NIPSNAP3B: variants seen among roughly 807,000 people sequenced by gnomAD.
The protein encoded by NIPSNAP3B is protein NipSnap homolog 3B.
In NIPSNAP3B, 30 loss-of-function variants were observed where a neutral mutation model predicts 31.5. The ratio of observed to expected loss-of-function variants is 0.95; its 90% confidence interval spans 0.71 to 1.29. The LOEUF (loss-of-function observed/expected upper bound fraction) is 1.29. Ranked by LOEUF, NIPSNAP3B falls within the 50% of genes most tolerant of loss-of-function variation. The pLI is 0.00. For missense variants in NIPSNAP3B, 269 were observed against 300.7 expected (o/e 0.89, Z 0.78); for synonymous variants, 106 against 107.9 (o/e 0.98, Z 0.11).
At chr9:104,768,749 A>G (rs555449434) in intron 2 of NIPSNAP3B, 114 bp from the exon 3 acceptor site, 1 of 801,358 alleles carries the variant, frequency 1.2e-6, no homozygotes, top group East Asian at 2.8e-5. Context: ...CAGCGACATA[A>G]TAACATGGGG....
chr9:104,778,473 C>T (rs372062810), downstream of NIPSNAP3B, among the ~76,000 whole-genome samples: 1 of 152,054 alleles, frequency 6.6e-6, no homozygotes, highest in Non-Finnish European at 1.5e-5. Flanking sequence ...GTGATCCACC[C>T]GTCTCGGCCT....
the NIPSNAP3B span, chr9:104,788,528 GC>G: frequency 6.2e-7 from 1 of 1,614,176 alleles, no homozygotes; most frequent in Non-Finnish European, 8.5e-7. Context: ...GAGGGCAGTA[GC>G]CCATGTTCTG....
At chr9:104,784,643 T>C in the NIPSNAP3B span, among the ~76,000 whole-genome samples, 4 of 152,096 alleles carry the variant, frequency 2.6e-5, no homozygotes, top group Admixed American at 1.3e-4. Context: ...AACTTAAAAA[T>C]AGACTTTTTT....
At position 104,764,291 on chromosome 9, in the gene NIPSNAP3B, C is replaced by G; in HGVS notation, c.51C>G (p.Leu17=). 6.3e-7 allele frequency: 1 copy of G among 1,588,202 alleles called. No individual in the cohort carries two copies. The highest frequency in any genetic ancestry group is 8.5e-7 in the Non-Finnish European group (1 of 1,169,780). Residue 17 remains leucine (L), a synonymous_variant, in exon 1 of 6, where the codon CTC becomes CTG. Coordinates refer to ENST00000374762, the MANE Select transcript of NIPSNAP3B (RefSeq NM_018376.4). ...CCAAGGCGCTTGCCTCACGGACGCT[C>G]GCGCCTCAGGTACTGGCCGCGGGGG... ...GLTKALASRT[L]APQVCSSFAT... is the part of the protein sequence containing the mutation.
Position 104,769,000 on chromosome 9 carries a change from T to C in NIPSNAP3B, c.409T>C (p.Leu137=). 1 of 1,612,732 alleles carries C rather than the reference T, an allele frequency of 6.2e-7. No homozygotes were observed. The highest frequency in any genetic ancestry group is 1.1e-5 in the South Asian group (1 of 90,972). ...EITYLIPWSK[L]EKPPKEGVYE... is the part of the protein sequence containing the mutation. The stretch of plus-strand genomic sequence containing the variant: ...TACTTACCTGATACCATGGTCCAAA[T>C]TAGAAAAGCCTCCAAAAGAAGGTGA... The change falls in exon 3 of 6, where the codon TTA becomes CTA. Residue 137 remains leucine (L), a synonymous_variant. Transcript: ENST00000374762.
downstream of NIPSNAP3B, among the ~76,000 whole-genome samples, chr9:104,780,587 C>T (rs1828465875): frequency 6.6e-6 from 1 of 152,138 alleles, no homozygotes; most frequent in Non-Finnish European, 1.5e-5. Context: ...TTGCCACCAC[C>T]CCCAGCACCT....
chr9:104,781,681 A>G (rs1828555825), downstream of NIPSNAP3B: 1 of 152,590 alleles, frequency 6.6e-6, no homozygotes, highest in South Asian at 2.1e-4. Context: ...ATTTATGTAT[A>G]GAGGGCTTAT....
chr9:104,779,767 G>A (rs1001969558), downstream of NIPSNAP3B, among the ~76,000 whole-genome samples: 1 of 152,154 alleles, frequency 6.6e-6, no homozygotes, highest in Non-Finnish European at 1.5e-5. Context: ...GGTGGCTCAT[G>A]CCTGTAATCC....
At chr9:104,779,637 T>TTA (rs1828418792), downstream of NIPSNAP3B, among the ~76,000 whole-genome samples, 1 of 149,250 alleles carries the variant, frequency 6.7e-6, no homozygotes, top group African/African-American at 2.5e-5. Context: ...TTTTTTTTTT[T>TTA]ACTTAATGTA....
the NIPSNAP3B span, among the ~76,000 whole-genome samples, chr9:104,789,724 T>A: frequency 1.3e-5 from 2 of 152,182 alleles, no homozygotes; most frequent in South Asian, 4.1e-4. Context: ...TAGGTTGAGA[T>A]ATAAAATGTA....
chr9:104,779,588 C>T (rs572277969), downstream of NIPSNAP3B, among the ~76,000 whole-genome samples: 6 of 149,752 alleles, frequency 4.0e-5, no homozygotes, highest in African/African-American at 1.5e-4. Flanking sequence ...TGCATGACAA[C>T]ACAGTAAACA....
In NIPSNAP3B at chr9:104,776,718, A is replaced by C. The variant is rs1434477551; in HGVS notation, c.*3645A>C. ...TGCTTTCTTTTTCTGTTATCACCAT[A>C]ATTAATGTTTTACTTATATATGATT... On this transcript the variant is annotated 3_prime_UTR_variant, in exon 6 of 6. Coordinates refer to ENST00000374762, the MANE Select transcript of NIPSNAP3B (RefSeq NM_018376.4). Among the ~76,000 whole-genome samples, 1 of 152,188 alleles carries C rather than the reference A, an allele frequency of 6.6e-6. No individual in the cohort carries two copies. The highest frequency in any genetic ancestry group is 2.4e-5 in the African/African-American group (1 of 41,442).
chr9:104,780,966 C>A (rs1828510264), downstream of NIPSNAP3B: 1 of 152,602 alleles, frequency 6.6e-6, no homozygotes, highest in South Asian at 2.1e-4. Flanking sequence ...TATAACCCTT[C>A]AACAGTAGGT....
the NIPSNAP3B span, chr9:104,786,445 G>A: frequency 6.8e-7 from 1 of 1,467,880 alleles, no homozygotes; most frequent in Non-Finnish European, 9.5e-7. Context: ...GTAACCATGA[G>A]AACATCACCA....
At chr9:104,771,130 T>C (rs1053014785) in intron 4 of NIPSNAP3B, 132 bp downstream of exon 4, 2 of 688,660 alleles carry the variant, frequency 2.9e-6, no homozygotes, top group Admixed American at 5.5e-5. Context: ...ATTGAAAAAA[T>C]CTATAAGCAT....
Position 104,773,456 on chromosome 9 carries a change from T to C in NIPSNAP3B, c.*383T>C, listed in dbSNP as rs1469024508. On this transcript the variant is annotated 3_prime_UTR_variant, in exon 6 of 6. Transcript: ENST00000374762. ...ATTTTTGAATTATTTATATAAAATA[T>C]CTATCTTTTCATCATGTCTATAGTT... 1 of 159,646 alleles carries C rather than the reference T, an allele frequency of 6.3e-6. No individual in the cohort carries two copies. Among genetic ancestry groups the C allele is most frequent in the Non-Finnish European group, 1.4e-5 (1 of 73,016 alleles). 9.9% of individuals were successfully genotyped at this position (159,646 alleles called of 1,614,324 possible). A position where few individuals can be genotyped will look rare whatever the true frequency, so the allele number is the denominator to read the frequency against.
At chr9:104,784,965 C>A in the NIPSNAP3B span, among the ~76,000 whole-genome samples, 3 of 152,054 alleles carry the variant, frequency 2.0e-5, no homozygotes, top group African/African-American at 7.2e-5. Context: ...TTCTATATCG[C>A]CCCCCACCCC....
At chr9:104,783,119 C>CT in the NIPSNAP3B span, 2 of 152,242 alleles carry the variant, frequency 1.3e-5, no homozygotes, top group South Asian at 4.1e-4. Flanking sequence ...CATCACATTG[C>CT]TTTCTAGGCA....
the NIPSNAP3B span, chr9:104,788,460 A>C: frequency 1.2e-6 from 2 of 1,614,208 alleles, no homozygotes; most frequent in African/African-American, 1.3e-5. Flanking sequence ...TCCTCTCAAA[A>C]GGGCAAAGAA....
Sources: gnomAD v4.1 joint callset for allele counts (sites outside exome capture counted in the v4.1 genomes callset) on GRCh38, gnomAD v4.1.1 for gene constraint, MANE v1.5 for transcripts, NCBI Gene and HGNC (gene_info 2026-07-23, HGNC 2026-07-21) for gene names.